The following GRIK2 variants were observed in gnomAD, a reference collection of about 807,000 sequenced individuals.
GRIK2 encodes glutamate ionotropic receptor kainate type subunit 2, also known as glutamate receptor ionotropic, kainate 2.
A neutral mutation model predicts 100.3 loss-of-function variants in GRIK2; 32 were observed. The observed-to-expected ratio is 0.32, with a 90% CI of 0.24 to 0.43. GRIK2 has a LOEUF of 0.43. Among genes scored for constraint, GRIK2 ranks in the 20% least tolerant of loss-of-function variants. The pLI is 1.00. For missense variants in GRIK2, 843 were observed against 1,114.9 expected (o/e 0.76, Z 3.47); for synonymous variants, 417 against 389.4 (o/e 1.07, Z -0.83).
chr6:101,959,690 T>C (rs966584132), intron 14 of GRIK2, among the ~76,000 whole-genome samples: 3 of 152,164 alleles, frequency 2.0e-5, no homozygotes, highest in African/African-American at 7.2e-5. Context: ...TAATTTGGAA[T>C]ATTTCTATCT....
At chr6:101,867,770 T>A (rs1785147209) in intron 11 of GRIK2, among the ~76,000 whole-genome samples, 1 of 151,278 alleles carries the variant, frequency 6.6e-6, no homozygotes, top group Non-Finnish European at 1.5e-5. Context: ...TATATATTTT[T>A]AAATTTAAAT....
intron 8 of GRIK2, among the ~76,000 whole-genome samples, chr6:101,801,831 A>T (rs750016636): frequency 4.0e-4 from 60 of 151,854 alleles, no homozygotes; most frequent in Non-Finnish European, 6.8e-4. Context: ...CCTTGCCCTT[A>T]CTTAGTGGAA....
chr6:101,846,704 T>C (rs1783829726), intron 10 of GRIK2, among the ~76,000 whole-genome samples: 1 of 152,058 alleles, frequency 6.6e-6, no homozygotes. Context: ...TCTAGATATA[T>C]TCAGATTTTT....
chr6:101,779,596 A>C (rs962141276), intron 7 of GRIK2, among the ~76,000 whole-genome samples: 2 of 152,174 alleles, frequency 1.3e-5, no homozygotes, highest in African/African-American at 4.8e-5. Context: ...AAGCTCTGAA[A>C]GGCAGCCCAC....
intron 4 of GRIK2, among the ~76,000 whole-genome samples, chr6:101,675,669 T>C (rs1230026375): frequency 6.6e-6 from 1 of 152,180 alleles, no homozygotes; most frequent in Non-Finnish European, 1.5e-5. Flanking sequence ...TTAAAATGCA[T>C]CACAGTTATA....
At chr6:101,986,327 A>G (rs754811881) in intron 14 of GRIK2, among the ~76,000 whole-genome samples, 1 of 151,884 alleles carries the variant, frequency 6.6e-6, no homozygotes, top group Non-Finnish European at 1.5e-5. Context: ...TACATTCATT[A>G]TATTTTGTGT....
At chr6:101,467,314 C>T (rs147824750) in intron 2 of GRIK2, among the ~76,000 whole-genome samples, 202 of 152,190 alleles carry the variant, frequency 1.3e-3, no homozygotes, top group African/African-American at 4.7e-3. Flanking sequence ...TTTAATTATA[C>T]AGTAGTAGGC....
rs76822619 is a variant in GRIK2 at position 101,406,563 on chromosome 6, A to G, written c.115+7171A>G. On this transcript the variant is annotated intron_variant, in intron 2 of 16. Transcript: ENST00000369134. ...CAAGTATATTCTGGAAGAGGAACAC[A>G]TAGTCTCAAGACTGTAGAGTTAGGA... Among the ~76,000 whole-genome samples, 1,145 of 152,262 alleles carry G rather than the reference A, an allele frequency of 7.5e-3. 12 individuals are homozygous for G. Among genetic ancestry groups the G allele is most frequent in the African/African-American group, 0.027 (1,103 of 41,556 alleles).
At chr6:101,873,098 A>T (rs1413498435) in intron 11 of GRIK2, among the ~76,000 whole-genome samples, 2 of 151,622 alleles carry the variant, frequency 1.3e-5, no homozygotes, top group East Asian at 1.9e-4. Context: ...CTGGACATTA[A>T]TTTTTTTTAA....
intron 2 of GRIK2, among the ~76,000 whole-genome samples, chr6:101,572,590 ATGTAT>A (rs767460546): frequency 1.6e-4 from 24 of 152,114 alleles, no homozygotes; most frequent in Non-Finnish European, 3.2e-4. Context: ...AAAGATAAAA[ATGTAT>A]TGTAGATGTG....
chr6:101,552,198 A>G (rs575924101), intron 2 of GRIK2, among the ~76,000 whole-genome samples: 1 of 152,284 alleles, frequency 6.6e-6, no homozygotes, highest in African/African-American at 2.4e-5. Context: ...AGAAATTCCT[A>G]TCATTTGGCA....
At chr6:101,608,166 G>T (rs1030317651) in intron 2 of GRIK2, among the ~76,000 whole-genome samples, 4 of 151,754 alleles carry the variant, frequency 2.6e-5, no homozygotes, top group African/African-American at 9.7e-5. Flanking sequence ...CAGCAGAAAG[G>T]CTGAACTGGA....
At chr6:101,432,175 G>A (rs753868570) in intron 2 of GRIK2, among the ~76,000 whole-genome samples, 1 of 152,010 alleles carries the variant, frequency 6.6e-6, no homozygotes, top group East Asian at 1.9e-4. Flanking sequence ...TCCTGGGGCT[G>A]CCTGCCTATA....
At position 101,695,426 on chromosome 6, in the gene GRIK2, A is replaced by G. The variant is rs144761792; in HGVS notation, c.951+9073A>G. Among the ~76,000 whole-genome samples, 1,047 of 152,278 alleles carry G rather than the reference A, an allele frequency of 6.9e-3. 11 individuals carry two copies. Among genetic ancestry groups the G allele is most frequent in the African/African-American group, 0.023 (941 of 41,562 alleles). On this transcript the variant is annotated intron_variant, in intron 7 of 16. Coordinates refer to ENST00000369134, the MANE Select transcript of GRIK2 (RefSeq NM_021956.5). ...GTTTTATTGGGGATTAAGTTTCAAC[A>G]TGAATTTTGGAAGGGGGCACTGTCA... is the stretch of plus-strand genomic sequence containing the variant.
intron 14 of GRIK2, among the ~76,000 whole-genome samples, chr6:101,928,972 C>T (rs983858433): frequency 2.0e-5 from 3 of 152,006 alleles, no homozygotes; most frequent in African/African-American, 7.3e-5. Context: ...TCAGATTCTA[C>T]AAAACTTTGC....
chr6:101,718,312 T>C (rs17062395), intron 7 of GRIK2, among the ~76,000 whole-genome samples: 23,930 of 151,654 alleles, frequency 0.16, 2,273 homozygotes, highest in East Asian at 0.42. Flanking sequence ...TAGAAAACCA[T>C]TGGGTGCCAG....
At chr6:101,997,957 A>G (rs998832198) in intron 14 of GRIK2, among the ~76,000 whole-genome samples, 3 of 152,138 alleles carry the variant, frequency 2.0e-5, no homozygotes, top group Non-Finnish European at 4.4e-5. Flanking sequence ...TAAAGTTGAC[A>G]TACAATAAAC....
At chr6:101,519,797 T>G (rs1452907247) in intron 2 of GRIK2, among the ~76,000 whole-genome samples, 1 of 152,124 alleles carries the variant, frequency 6.6e-6, no homozygotes, top group Non-Finnish European at 1.5e-5. Context: ...TGGTTGGAGG[T>G]GGAACCAGTT....
At chr6:101,714,898 T>C (rs1418554460) in intron 7 of GRIK2, among the ~76,000 whole-genome samples, 2 of 151,742 alleles carry the variant, frequency 1.3e-5, no homozygotes, top group Non-Finnish European at 2.9e-5. Flanking sequence ...GAAGCATTTT[T>C]CCAGTTTAAA....
Sources: gnomAD v4.1 joint callset for allele counts (sites outside exome capture counted in the v4.1 genomes callset) on GRCh38, gnomAD v4.1.1 for gene constraint, MANE v1.5 for transcripts, NCBI Gene and HGNC (gene_info 2026-07-23, HGNC 2026-07-21) for gene names.